Variants in PPP1R3F observed in about 807,000 individuals in gnomAD.
PPP1R3F encodes the protein protein phosphatase 1, regulatory (inhibitor) subunit 3F.
In PPP1R3F, 29 loss-of-function variants were observed where a neutral mutation model predicts 24.2. The ratio of observed to expected loss-of-function variants is 1.20; its 90% confidence interval spans 0.89 to 1.63. PPP1R3F has a LOEUF of 1.63. Among genes scored for constraint, PPP1R3F ranks in the 40% most tolerant of loss-of-function variants. The pLI is 0.00. For missense variants in PPP1R3F, 823 were observed against 729.3 expected, an observed-to-expected ratio of 1.13 and a Z score of -1.48; for synonymous variants, 363 against 340.1, an observed-to-expected ratio of 1.07 and a Z score of -0.74.
intron 1 of PPP1R3F, among the ~76,000 whole-genome samples, chrX:49,280,234 T>TTTTGG (rs782632777): frequency 1.9e-5 from 2 of 106,826 alleles, no homozygotes; most frequent in Middle Eastern, 4.7e-3. Flanking sequence ...AGAAAAGGTG[T>TTTTGG]TTTTGTTTTG....
chrX:49,281,506 T>C (rs2066248716), intron 2 of PPP1R3F, 45 bp downstream of exon 2: 2 of 1,040,013 alleles, frequency 1.9e-6, no homozygotes, highest in Non-Finnish European at 2.7e-6. Context: ...GTATTTACCA[T>C]GTCTTTCTTC....
downstream of PPP1R3F, among the ~76,000 whole-genome samples, chrX:49,292,321 T>G (rs2066311387): frequency 8.9e-6 from 1 of 112,490 alleles, no homozygotes; most frequent in Non-Finnish European, 1.9e-5. Context: ...CTCATTTCCA[T>G]CACTAAAGAG....
chrX:49,270,066 C>A lies in PPP1R3F; in HGVS notation c.197C>A (p.Ala66Glu). Residue 66 changes from alanine (A) to glutamate (E), a missense_variant, in exon 1 of 4, where the codon GCG becomes GAG. By Grantham distance (107) the Ala-to-Glu change is moderately radical (BLOSUM62 -1). Transcript: ENST00000055335. ...PWGGPGAGKMAAAAGQDGGGG... is the reference protein window; with the variant it reads ...PWGGPGAGKMEAAAGQDGGGG... ...GGCGGGCCCGGGGCGGGCAAGATGG[C>A]GGCGGCGGCCGGGCAAGATGGCGGC... 1.0e-6 allele frequency: 1 copy of A among 989,901 alleles called. No homozygotes were observed. Among genetic ancestry groups the A allele is most frequent in the Non-Finnish European group, 1.3e-6 (1 of 790,192 alleles). 81.6% of individuals were successfully genotyped at this position (989,901 alleles called of 1,213,427 possible).
chrX:49,287,334 G>A lies in PPP1R3F; in HGVS notation c.*244G>A. On this transcript the variant is annotated 3_prime_UTR_variant, in exon 4 of 4. Transcript: ENST00000055335. Reference sequence around the variant, plus strand: ...TGTCCTCCGCCTACCCCCCGAGCCTGTATTTATTTTTGTATAATTCTCTGG... The same window carrying A: ...TGTCCTCCGCCTACCCCCCGAGCCTATATTTATTTTTGTATAATTCTCTGG... 2.7e-6 allele frequency: 1 copy of A among 367,936 alleles called. No individual in the cohort carries two copies. 30.3% of individuals were successfully genotyped at this position (367,936 alleles called of 1,213,427 possible).
intron 1 of PPP1R3F, among the ~76,000 whole-genome samples, chrX:49,277,244 C>T (rs5953282): frequency 4.5e-4 from 51 of 112,960 alleles, no homozygotes; most frequent in African/African-American, 1.3e-3. Context: ...TCCTCACCCT[C>T]TGGTCTCCTC....
chrX:49,278,904 C>T (rs1432702668), intron 1 of PPP1R3F, among the ~76,000 whole-genome samples: 1 of 112,533 alleles, frequency 8.9e-6, no homozygotes, highest in Non-Finnish European at 1.9e-5. Context: ...TTGGGTAAGA[C>T]CCCAGTCTCC....
chrX:49,290,785 A>G (rs1557122269), downstream of PPP1R3F, among the ~76,000 whole-genome samples: 1 of 111,146 alleles, frequency 9.0e-6, no homozygotes, highest in African/African-American at 3.3e-5. Flanking sequence ...CATCAGGGTA[A>G]TAACTTTTCC....
intron 3 of PPP1R3F, among the ~76,000 whole-genome samples, chrX:49,283,821 A>T (rs1422768096): frequency 3.6e-5 from 4 of 110,625 alleles, no homozygotes; most frequent in Non-Finnish European, 7.6e-5. Context: ...AATTTATCAA[A>T]TTGTATTAAA....
chrX:49,298,707 G>A (rs782360463), intron 3 of PPP1R3F, among the ~76,000 whole-genome samples: 2 of 110,704 alleles, frequency 1.8e-5, no homozygotes, highest in East Asian at 2.9e-4. Flanking sequence ...GGCTTTGTTC[G>A]TTCCTTTTTA....
At position 49,293,140 on chromosome X, in the gene PPP1R3F, G is replaced by A. The variant is rs79618828; in HGVS notation, c.393-8211G>A. 9.4e-4 allele frequency among the ~76,000 whole-genome samples: 105 copies of A among 111,431 alleles called. 1 individual carries two copies. The East Asian group carries it at 0.02, about 21-fold the overall frequency. ...CCTGTTGGTCCTCATCTCTGCCCAC[G>A]GGGAGCCCCAAGATGCTCCAAGAGC... On this transcript the variant is annotated intron_variant, in intron 3 of 3. Coordinates refer to the PPP1R3F transcript ENST00000471261.
At position 49,286,732 on chromosome X, in the gene PPP1R3F, G is replaced by A; in HGVS notation, c.2042G>A (p.Trp681Ter). ...GCCCAGATAGAGGTCACCAGTGAGTGGGCAGGCAGCTTGGATCCCATATCT... is the reference window on the plus strand; with the variant it reads ...GCCCAGATAGAGGTCACCAGTGAGTAGGCAGGCAGCTTGGATCCCATATCT... ...TEAQIEVTSE[W>*]AGSLDPISGK... The change falls in exon 4 of 4, where the codon TGG (tryptophan) becomes TAG (stop). Residue 681 changes from tryptophan (W) to a stop codon, truncating the protein, a stop_gained. Coordinates refer to ENST00000055335, the MANE Select transcript of PPP1R3F (RefSeq NM_033215.5). LOFTEE classifies it low-confidence loss of function (END_TRUNC). The A allele has an allele frequency of 8.3e-7, 1 of 1,206,070 alleles. No homozygotes were observed. The highest frequency in any genetic ancestry group is 2.2e-5 in the Admixed American group (1 of 45,496).
intron 1 of PPP1R3F, chrX:49,275,623 G>T (rs1350187705): frequency 9.0e-6 from 1 of 111,203 alleles, no homozygotes; most frequent in Non-Finnish European, 1.9e-5. Flanking sequence ...TTTATTAGGG[G>T]GTTGCTGGAT....
At chrX:49,301,035 T>G (rs1602722819) in intron 3 of PPP1R3F, among the ~76,000 whole-genome samples, 2 of 112,656 alleles carry the variant, frequency 1.8e-5, no homozygotes, top group African/African-American at 6.5e-5. Flanking sequence ...GACCATGACT[T>G]TAGTACTTCC....
intron 1 of PPP1R3F, among the ~76,000 whole-genome samples, chrX:49,279,625 A>C (rs1212886063): frequency 8.9e-6 from 1 of 112,049 alleles, no homozygotes; most frequent in African/African-American, 3.2e-5. Flanking sequence ...CAGAGGTTGC[A>C]GTGAGCCGAG....
At chrX:49,288,364 C>A (rs150135558), downstream of PPP1R3F, among the ~76,000 whole-genome samples, 2 of 112,516 alleles carry the variant, frequency 1.8e-5, no homozygotes, top group African/African-American at 6.4e-5. Context: ...TTCCAAGATA[C>A]CACACTCTCC....
At position 49,287,026 on chromosome X, in the gene PPP1R3F, C is replaced by G. The variant is rs781996805; in HGVS notation, c.2336C>G (p.Ala779Gly). ...GCCGGGCTAGTGGTGGTCCCTGTGG[C>G]TCTGAACAGCGGTGTGTCCCTCCTG... ...VLAGLVVVPV[A>G]LNSGVSLLVL... is the part of the protein sequence containing the mutation. The change falls in exon 4 of 4, where the codon GCT becomes GGT. Residue 779 changes from alanine to glycine, a missense_variant. Physicochemically the swap from Ala to Gly is moderately conservative, Grantham distance 60. Coordinates refer to ENST00000055335, the MANE Select transcript of PPP1R3F (RefSeq NM_033215.5). 8.3e-7 allele frequency: 1 copy of G among 1,211,877 alleles called. No individual in the cohort carries two copies. Among genetic ancestry groups the G allele is most frequent in the Non-Finnish European group, 1.1e-6 (1 of 895,594 alleles).
downstream of PPP1R3F, among the ~76,000 whole-genome samples, chrX:49,291,316 C>CTCTCTGTCTG (rs1557122353): frequency 2.1e-3 from 182 of 88,382 alleles, 1 homozygote; most frequent in African/African-American, 4.4e-3. Context: ...CTCTCTCTCT[C>CTCTCTGTCTG]TCTCTCTCTC....
In PPP1R3F at chrX:49,285,850, T is replaced by C. The variant is rs1368351205; in HGVS notation, c.1160T>C (p.Met387Thr). ...QMTLQVSDVP[M>T]TGNPAEEGDV... ...TGGCTCCAGGTTTCTGACGTTCCGA[T>C]GACTGGCAACCCCGCAGAAGAAGGT... The change falls in exon 4 of 4, where the codon ATG (methionine) becomes ACG (threonine). Residue 387 changes from methionine to threonine, a missense_variant. Coordinates refer to ENST00000055335, the MANE Select transcript of PPP1R3F (RefSeq NM_033215.5). 4 of 1,146,146 alleles carry C rather than the reference T, an allele frequency of 3.5e-6. No homozygotes were observed. The Admixed American group carries it at 1.1e-4, about 31-fold the overall frequency. 94.5% of individuals were successfully genotyped at this position (1,146,146 alleles called of 1,213,427 possible).
At position 49,286,503 on chromosome X, in the gene PPP1R3F, G is replaced by A. The variant is rs201784162; in HGVS notation, c.1813G>A (p.Gly605Arg). ...GGAATCGCCTCCAGAAATCCTCTCC[G>A]GGGCCCGTTCTGTGGTAGCCACGAT... ...PKESPPEILS[G>R]ARSVVATMGD... The change falls in exon 4 of 4, where the codon GGG becomes AGG. Residue 605 changes from glycine to arginine, a missense_variant. Gly to Arg is a moderately radical substitution (Grantham distance 125). Coordinates refer to ENST00000055335, the MANE Select transcript of PPP1R3F (RefSeq NM_033215.5). 11 of 1,207,991 alleles carry A rather than the reference G, an allele frequency of 9.1e-6. No individual in the cohort carries two copies. Among genetic ancestry groups the A allele is most frequent in the East Asian group, 3.0e-5 (1 of 33,694 alleles).
Sources: allele counts gnomAD v4.1 joint callset (sites outside exome capture counted in the v4.1 genomes callset), GRCh38; gene constraint gnomAD v4.1.1; transcripts MANE v1.5; gene names NCBI Gene and HGNC (gene_info 2026-07-23, HGNC 2026-07-21).